Variants in BLACAT1 observed in about 807,000 individuals in gnomAD.
The protein encoded by BLACAT1 is BLACAT1 overlapping LEMD1 locus.
intron 1 of BLACAT1, chr1:205,449,992 G>A (rs1371225505): frequency 2.0e-5 from 3 of 152,094 alleles, no homozygotes; most frequent in Non-Finnish European, 1.5e-5. Context: ...ACGCCCCAGC[G>A]AGGGCAGGCC....
At chr1:205,437,045 C>T (rs1666221351), downstream of BLACAT1, 1 of 152,676 alleles carries the variant, frequency 6.5e-6, no homozygotes, top group Non-Finnish European at 1.5e-5. Flanking sequence ...GGCTCTCCAT[C>T]CAGAAACAAT....
intron 1 of BLACAT1, among the ~76,000 whole-genome samples, chr1:205,447,696 C>T (rs1190354571): frequency 6.6e-6 from 1 of 152,136 alleles, no homozygotes; most frequent in East Asian, 1.9e-4. Context: ...GAGGGGGCAG[C>T]TCCTGGAGAT....
chr1:205,444,132 C>T (rs1666343142), intron 1 of BLACAT1, among the ~76,000 whole-genome samples: 1 of 152,096 alleles, frequency 6.6e-6, no homozygotes. Context: ...CTCCCATCCT[C>T]CCCCTCCTTT....
At chr1:205,455,405 C>T (rs1396246152) in intron 1 of BLACAT1, among the ~76,000 whole-genome samples, 1 of 152,118 alleles carries the variant, frequency 6.6e-6, no homozygotes, top group Non-Finnish European at 1.5e-5. Context: ...TCTCCCAGGC[C>T]CCAAACTGGG....
In BLACAT1 at chr1:205,441,908, C is replaced by T. The variant is rs1451175514; in HGVS notation, c.-36-846G>A. 2.6e-5 allele frequency among the ~76,000 whole-genome samples: 4 copies of T among 152,178 alleles called. No individual in the cohort carries two copies. Among genetic ancestry groups the T allele is most frequent in the Non-Finnish European group, 5.9e-5 (4 of 68,032 alleles). On this transcript the variant is annotated intron_variant, in intron 1 of 1. Transcript: ENST00000629624. This position sits in a 1 kb window ranked among gnomAD's most constrained non-coding sequence, Gnocchi z 4.3. ...GGCCCTCAGCAGGAGCCAGGGGCCG[C>T]TCTGGTATCTGTTGCAGTCTGGCTG...
chr1:205,455,160 C>A (rs1351316453), intron 1 of BLACAT1, among the ~76,000 whole-genome samples: 3 of 152,162 alleles, frequency 2.0e-5, no homozygotes, highest in African/African-American at 7.2e-5. Context: ...CAGAGCTCCT[C>A]CTCCAGGTGG....
intron 1 of BLACAT1, among the ~76,000 whole-genome samples, chr1:205,455,682 G>A (rs988263593): frequency 1.3e-5 from 2 of 152,180 alleles, no homozygotes; most frequent in African/African-American, 2.4e-5. Flanking sequence ...TGGGGGCGGG[G>A]AGGGGGCTTC....
chr1:205,454,427 C>T lies in BLACAT1; in HGVS notation c.-37+1490G>A, dbSNP rs12037420. Among the ~76,000 whole-genome samples, 174 of 110,790 alleles carry T rather than the reference C, an allele frequency of 1.6e-3. 3 individuals are homozygous for T. The East Asian group carries it at 0.042, about 27-fold the overall frequency. The allele number at this position is 110,790 out of a possible 152,430, so 72.7% of individuals were successfully genotyped here. On this transcript the variant is annotated intron_variant, in intron 1 of 1. Coordinates refer to ENST00000629624, the Ensembl canonical transcript of BLACAT1. Reference sequence around the variant, plus strand: ...ATGTTCTCTTTGTGTGTGTGGGGTGCGTGGGATGGGGGTGGGGGGTGGTGG... The same window carrying T: ...ATGTTCTCTTTGTGTGTGTGGGGTGTGTGGGATGGGGGTGGGGGGTGGTGG...
chr1:205,435,267 A>C (rs1666187999), downstream of BLACAT1: 1 of 152,244 alleles, frequency 6.6e-6, no homozygotes, highest in Admixed American at 6.5e-5. Flanking sequence ...GGGGAACGTT[A>C]GCACCATTGA....
chr1:205,455,240 A>T (rs1044731331), intron 1 of BLACAT1, among the ~76,000 whole-genome samples: 3 of 152,126 alleles, frequency 2.0e-5, no homozygotes, highest in African/African-American at 7.2e-5. Context: ...AGGCAGGCTT[A>T]TGGCCAAGAG....
At chr1:205,437,194 G>T (rs1666224410), downstream of BLACAT1, 1 of 152,436 alleles carries the variant, frequency 6.6e-6, no homozygotes, top group Non-Finnish European at 1.5e-5. Context: ...TGATCAGCAT[G>T]GAGATGAGCA....
rs184225897 is a variant in BLACAT1 at position 205,454,607 on chromosome 1, T to C, written c.-37+1310A>G. On this transcript the variant is annotated intron_variant, in intron 1 of 1. Transcript: ENST00000629624. ...CTCTGTGGCAGCCCCAGTGGAGCAATGGAAAGCCGGCATTGAATGACTGAG... is the reference window on the plus strand; with the variant it reads ...CTCTGTGGCAGCCCCAGTGGAGCAACGGAAAGCCGGCATTGAATGACTGAG... Among the ~76,000 whole-genome samples the C allele has an allele frequency of 2.7e-4, 41 of 151,856 alleles. No homozygotes were observed. The East Asian group carries it at 7.6e-3, about 28-fold the overall frequency.
chr1:205,455,761 A>G (rs1470076230), intron 1 of BLACAT1, among the ~76,000 whole-genome samples, 156 bp downstream of exon 1: 1 of 151,670 alleles, frequency 6.6e-6, no homozygotes, highest in Non-Finnish European at 1.5e-5. Context: ...GAGTGCCTGA[A>G]CCCGCATCCC....
At chr1:205,437,432 C>A (rs937194089), downstream of BLACAT1, 1 of 152,348 alleles carries the variant, frequency 6.6e-6, no homozygotes, top group Non-Finnish European at 1.5e-5. Context: ...AACTGACTTA[C>A]TCCCCTTGGG....
chr1:205,451,050 C>T (rs753223415), intron 1 of BLACAT1, among the ~76,000 whole-genome samples: 1 of 152,178 alleles, frequency 6.6e-6, no homozygotes, highest in Non-Finnish European at 1.5e-5. Context: ...GTGGTGAGAA[C>T]TGGGGCCCAG....
intron 1 of BLACAT1, among the ~76,000 whole-genome samples, chr1:205,443,668 T>C (rs1006032193): frequency 6.6e-6 from 1 of 152,214 alleles, no homozygotes; most frequent in Non-Finnish European, 1.5e-5. Context: ...TCTAAAGTGC[T>C]CTGGTTATCC....
At chr1:205,439,364 TG>T (rs1666257050), downstream of BLACAT1, among the ~76,000 whole-genome samples, 1 of 152,130 alleles carries the variant, frequency 6.6e-6, no homozygotes, top group Admixed American at 6.5e-5. Flanking sequence ...GGTTGGAGGA[TG>T]GGAGGAGGAA....
rs1666447568 is a variant in BLACAT1, at chr1:205,448,814, A to G, written c.-37+7103T>C. Among the ~76,000 whole-genome samples, 1 of 152,136 alleles carries G rather than the reference A, an allele frequency of 6.6e-6. No individual in the cohort carries two copies. Among genetic ancestry groups the G allele is most frequent in the Non-Finnish European group, 1.5e-5 (1 of 68,014 alleles). On this transcript the variant is annotated intron_variant, in intron 1 of 1. Transcript: ENST00000629624. This position sits in a 1 kb window ranked among gnomAD's most constrained non-coding sequence, Gnocchi z 4.7. Reference sequence around the variant, plus strand: ...CCCCAGGTTAGGCTCCCTCTTTACAAAGCTTAACTCTTTCTAGTCCAGCCA... The same window carrying G: ...CCCCAGGTTAGGCTCCCTCTTTACAGAGCTTAACTCTTTCTAGTCCAGCCA...
At chr1:205,446,236 G>C (rs1666386166) in intron 1 of BLACAT1, among the ~76,000 whole-genome samples, 1 of 152,208 alleles carries the variant, frequency 6.6e-6, no homozygotes, top group South Asian at 2.1e-4. Flanking sequence ...GTAGCCAAGA[G>C]ACAAAGAATA....
Sources: allele counts gnomAD v4.1 joint callset (sites outside exome capture counted in the v4.1 genomes callset), GRCh38; gene constraint gnomAD v4.1.1; non-coding constraint Gnocchi (gnomAD v3.1); transcripts MANE v1.5; gene names NCBI Gene and HGNC (gene_info 2026-07-23, HGNC 2026-07-21).